PIAS1: variants seen among roughly 807,000 people sequenced by gnomAD.
PIAS1 encodes protein inhibitor of activated STAT 1.
A neutral mutation model predicts 71.3 loss-of-function variants in PIAS1; 6 were observed. That is an observed-to-expected ratio of 0.08 (90% confidence interval 0.05 to 0.17). PIAS1 has a LOEUF of 0.17. Ranked by LOEUF, PIAS1 falls within the 10% of genes least tolerant of loss-of-function variation. PIAS1 has a pLI of 1.00. For synonymous variants in PIAS1, 303 were observed against 292.9 expected (o/e 1.03, Z -0.35); for missense variants, 555 against 793.6 (o/e 0.70, Z 3.61).
At chr15:68,106,866 C>G (rs1465551713) in intron 2 of PIAS1, among the ~76,000 whole-genome samples, 1 of 152,184 alleles carries the variant, frequency 6.6e-6, no homozygotes, top group African/African-American at 2.4e-5. Flanking sequence ...AAGCTTTTCT[C>G]CAGCATTGTG....
chr15:68,150,558 A>G (rs968269442), intron 6 of PIAS1, among the ~76,000 whole-genome samples: 4 of 152,188 alleles, frequency 2.6e-5, no homozygotes, highest in South Asian at 2.1e-4. Context: ...AAATGTTGCA[A>G]CTGTGTCTTT....
At chr15:68,117,069 G>GTTGTTT in intron 2 of PIAS1, among the ~76,000 whole-genome samples, 1 of 152,062 alleles carries the variant, frequency 6.6e-6, no homozygotes, top group South Asian at 2.1e-4. Context: ...TTTTTTTGTT[G>GTTGTTT]TTGTTTTTGT....
intron 1 of PIAS1, among the ~76,000 whole-genome samples, chr15:68,079,071 A>G (rs528578562): frequency 1.4e-4 from 21 of 151,756 alleles, no homozygotes; most frequent in Admixed American, 5.2e-4. Context: ...AAAGTGAGAA[A>G]ACAGAACCTG....
chr15:68,146,299 A>G (rs570186916), intron 5 of PIAS1, among the ~76,000 whole-genome samples: 5 of 152,244 alleles, frequency 3.3e-5, no homozygotes, highest in Admixed American at 6.5e-5. Context: ...TACCTATCTA[A>G]GCTTGTTATG....
In PIAS1 at chr15:68,187,554, T is replaced by A. The variant is rs1354310776; in HGVS notation, c.1675T>A (p.Ser559Thr). Residue 559 changes from serine to threonine, a missense_variant, in exon 14 of 14, where the codon TCC (serine) becomes ACC (threonine). By Grantham distance (58) the Ser-to-Thr change is moderately conservative. This residue lies in a region of PIAS1 where 244 missense variants were observed against 307.5 expected (regional missense o/e 0.79). Coordinates refer to ENST00000249636, the MANE Select transcript of PIAS1 (RefSeq NM_016166.3). This position sits in a 1 kb window ranked among gnomAD's most constrained non-coding sequence, Gnocchi z 5.3. ...LSGDNQHYNT[S>T]LLAAAAAAVS... Reference sequence around the variant, plus strand: ...TTCCCCTCCCTAGCATTACAACACCTCCTTGCTTGCCGCTGCAGCAGCAGC... The same window carrying A: ...TTCCCCTCCCTAGCATTACAACACCACCTTGCTTGCCGCTGCAGCAGCAGC... 5.6e-6 allele frequency: 9 copies of A among 1,613,674 alleles called. No homozygotes were observed. Among genetic ancestry groups the A allele is most frequent in the Admixed American group, 5.0e-5 (3 of 59,994 alleles).
Position 68,067,333 on chromosome 15 carries a change from C to A in PIAS1, c.24+12983C>A, listed in dbSNP as rs189513035. Among the ~76,000 whole-genome samples, 4 of 152,314 alleles carry A rather than the reference C, an allele frequency of 2.6e-5. No individual in the cohort carries two copies. The East Asian group carries it at 7.7e-4, about 29-fold the overall frequency. On this transcript the variant is annotated intron_variant, in intron 1 of 13. Coordinates refer to ENST00000249636, the MANE Select transcript of PIAS1 (RefSeq NM_016166.3). ...GCTTGCCTTTCTTTAGTATTCCCCT[C>A]TCTAGGCATTTGTAGGTTGTAGCTT...
chr15:68,151,899 C>A (rs1285185629), intron 6 of PIAS1, among the ~76,000 whole-genome samples: 17 of 145,032 alleles, frequency 1.2e-4, no homozygotes, highest in Non-Finnish European at 1.2e-4. Flanking sequence ...CTTGTCAATG[C>A]TATATCAGAT....
At chr15:68,123,623 T>C (rs780636883) in intron 2 of PIAS1, among the ~76,000 whole-genome samples, 20 of 152,164 alleles carry the variant, frequency 1.3e-4, no homozygotes, top group Non-Finnish European at 2.5e-4. Flanking sequence ...TTTTTCCTTA[T>C]GTTAAATAAC....
At chr15:68,055,920 G>T (rs1257997359) in intron 1 of PIAS1, 4 of 700,736 alleles carry the variant, frequency 5.7e-6, no homozygotes, top group African/African-American at 3.5e-5. Context: ...TAAGGTATTG[G>T]CTTTGAGTGT....
chr15:68,121,180 G>A (rs2141020170), intron 2 of PIAS1, among the ~76,000 whole-genome samples: 1 of 151,310 alleles, frequency 6.6e-6, no homozygotes, highest in Non-Finnish European at 1.5e-5. Flanking sequence ...TTTACCTTTT[G>A]TATGTCTCAG....
At chr15:68,075,171 G>GC (rs1182011612) in intron 1 of PIAS1, among the ~76,000 whole-genome samples, 25 of 124,554 alleles carry the variant, frequency 2.0e-4, no homozygotes, top group Non-Finnish European at 2.9e-4. Context: ...TGCAACCTCC[G>GC]CCCCCCCAGG....
chr15:68,093,524 C>T (rs1187730717), intron 2 of PIAS1, among the ~76,000 whole-genome samples: 1 of 152,198 alleles, frequency 6.6e-6, no homozygotes, highest in Non-Finnish European at 1.5e-5. Flanking sequence ...TCTTTTGCGC[C>T]ATTCTTCTTA....
chr15:68,142,449 A>T, intron 4 of PIAS1, 112 bp downstream of exon 4: 1 of 834,308 alleles, frequency 1.2e-6, no homozygotes, highest in Non-Finnish European at 1.9e-6. Flanking sequence ...AAAGTTTAAA[A>T]GATAATATTC....
At chr15:68,145,707 C>T in intron 4 of PIAS1, 109 bp from the exon 5 acceptor site, 12 of 646,956 alleles carry the variant, frequency 1.9e-5, no homozygotes, top group Non-Finnish European at 2.7e-5. Context: ...TATAGTTTTC[C>T]CTTTTGGTTG....
At chr15:68,083,406 G>A (rs1410571985) in intron 1 of PIAS1, among the ~76,000 whole-genome samples, 1 of 152,074 alleles carries the variant, frequency 6.6e-6, no homozygotes, top group East Asian at 1.9e-4. Flanking sequence ...TCCAATAATA[G>A]CAATAGATAG....
chr15:68,123,010 C>A (rs2092623956), intron 2 of PIAS1, among the ~76,000 whole-genome samples: 1 of 150,360 alleles, frequency 6.7e-6, no homozygotes, highest in African/African-American at 2.5e-5. Context: ...TTTTTTTAAG[C>A]CTAAATCTCA....
intron 2 of PIAS1, among the ~76,000 whole-genome samples, chr15:68,101,142 T>C (rs1292180448): frequency 6.6e-6 from 1 of 152,068 alleles, no homozygotes; most frequent in Non-Finnish European, 1.5e-5. Flanking sequence ...TCAAGTGATC[T>C]TCTCCCCTCA....
Position 68,173,649 on chromosome 15 carries a change from C to G in PIAS1, c.1009-83C>G. ...GTATGCTTTAAATCAGCATGCCTACCTGTTGTGTTCTAGGAAATTTTTGTC... is the reference window on the plus strand; with the variant it reads ...GTATGCTTTAAATCAGCATGCCTACGTGTTGTGTTCTAGGAAATTTTTGTC... On this transcript the variant is annotated intron_variant, in intron 8 of 13. Transcript: ENST00000249636. The surrounding 1 kb of genome is among the most constrained non-coding windows in gnomAD (Gnocchi z 4.3). 1.1e-6 allele frequency: 1 copy of G among 893,482 alleles called. No individual in the cohort carries two copies. Among genetic ancestry groups the G allele is most frequent in the Non-Finnish European group, 1.6e-6 (1 of 617,102 alleles). 55.3% of individuals were successfully genotyped at this position (893,482 alleles called of 1,614,324 possible).
At chr15:68,161,948 TGTC>T (rs1364782729) in intron 7 of PIAS1, among the ~76,000 whole-genome samples, 5 of 151,296 alleles carry the variant, frequency 3.3e-5, no homozygotes, top group Middle Eastern at 3.4e-3. Context: ...TTTTTTTTCT[TGTC>T]GTTGTTGAGA....
Sources: gnomAD v4.1 joint callset for allele counts (sites outside exome capture counted in the v4.1 genomes callset) on GRCh38, gnomAD v4.1.1 for gene constraint, gnomAD v4.1.1 regional missense constraint, Gnocchi (gnomAD v3.1) non-coding constraint, MANE v1.5 for transcripts, NCBI Gene and HGNC (gene_info 2026-07-23, HGNC 2026-07-21) for gene names.